Variants in ZCCHC17 observed in about 807,000 individuals in gnomAD.
The protein encoded by ZCCHC17 is zinc finger CCHC-type containing 17, also known as zinc finger CCHC domain-containing protein 17.
A neutral mutation model predicts 30.6 loss-of-function variants in ZCCHC17; 18 were observed. That is an observed-to-expected ratio of 0.59 (90% CI 0.41 to 0.87). The LOEUF is 0.87. Among genes scored for constraint, ZCCHC17 ranks in the 40% least tolerant of loss-of-function variants. The pLI, the probability that ZCCHC17 is intolerant of heterozygous loss-of-function variation, is 0.00. For synonymous variants in ZCCHC17, 88 were observed against 92.4 expected, an observed-to-expected ratio of 0.95 and a Z score of 0.27; for missense variants, 263 against 284.2, an observed-to-expected ratio of 0.93 and a Z score of 0.54.
intron 1 of ZCCHC17, among the ~76,000 whole-genome samples, chr1:31,305,306 G>A (rs764122361): frequency 4.6e-5 from 7 of 151,692 alleles, no homozygotes; most frequent in Non-Finnish European, 7.4e-5. Context: ...TTGAGACAGG[G>A]TTTCATTTTG....
intron 3 of ZCCHC17, among the ~76,000 whole-genome samples, chr1:31,330,247 A>G (rs1039362477): frequency 6.6e-6 from 1 of 152,098 alleles, no homozygotes; most frequent in Non-Finnish European, 1.5e-5. Flanking sequence ...TAATGGGCTC[A>G]CTCTGTTACT....
intron 5 of ZCCHC17, among the ~76,000 whole-genome samples, chr1:31,339,843 A>G (rs775278405): frequency 1.3e-5 from 2 of 152,106 alleles, no homozygotes; most frequent in African/African-American, 2.4e-5. Flanking sequence ...TCTGAAAACA[A>G]CATCTTACTT....
chr1:31,310,604 A>G (rs12730052), intron 2 of ZCCHC17, among the ~76,000 whole-genome samples: 20,328 of 152,168 alleles, frequency 0.13, 1,509 homozygotes, highest in Non-Finnish European at 0.15. Context: ...TTACCCTCTT[A>G]CCTTCCACCA....
chr1:31,362,649 CTTA>C (rs1411999758), intron 7 of ZCCHC17, among the ~76,000 whole-genome samples: 1 of 152,158 alleles, frequency 6.6e-6, no homozygotes, highest in Non-Finnish European at 1.5e-5. Context: ...CAAGTACAGG[CTTA>C]TTATTTGATG....
chr1:31,325,279 C>T (rs1638291962), intron 3 of ZCCHC17, among the ~76,000 whole-genome samples: 1 of 152,264 alleles, frequency 6.6e-6, no homozygotes, highest in South Asian at 2.1e-4. Context: ...CTTGCTTACC[C>T]TCCAGTTGTC....
intron 2 of ZCCHC17, among the ~76,000 whole-genome samples, chr1:31,311,826 G>A (rs557530069): frequency 7.9e-5 from 12 of 152,340 alleles, no homozygotes; most frequent in African/African-American, 2.2e-4. Flanking sequence ...AGTCCCCCCC[G>A]TGGGGGTATT....
chr1:31,325,687 G>A (rs1005697600), intron 3 of ZCCHC17, among the ~76,000 whole-genome samples: 3 of 152,218 alleles, frequency 2.0e-5, no homozygotes, highest in East Asian at 1.9e-4. Context: ...TGAGCCAAGC[G>A]CAGCCCATTA....
chr1:31,342,975 G>A (rs1183833187), intron 5 of ZCCHC17, among the ~76,000 whole-genome samples: 3 of 152,164 alleles, frequency 2.0e-5, no homozygotes, highest in Non-Finnish European at 4.4e-5. Context: ...CCTTGTTTAA[G>A]GAAAGAAGAG....
intron 1 of ZCCHC17, among the ~76,000 whole-genome samples, chr1:31,302,763 G>C (rs994320590): frequency 4.6e-5 from 7 of 152,150 alleles, no homozygotes; most frequent in Non-Finnish European, 8.8e-5. Context: ...AGAGGAGAGA[G>C]AGAGAGAGCA....
At chr1:31,363,527 C>T (rs184519561) in intron 7 of ZCCHC17, among the ~76,000 whole-genome samples, 1 of 152,164 alleles carries the variant, frequency 6.6e-6, no homozygotes, top group African/African-American at 2.4e-5. Flanking sequence ...CATGGTGTCT[C>T]ACACCTGTAA....
intron 4 of ZCCHC17, 114 bp from the exon 5 acceptor site, chr1:31,338,843 C>A (rs1638921351): frequency 9.2e-6 from 6 of 654,748 alleles, no homozygotes; most frequent in Non-Finnish European, 1.6e-5. Flanking sequence ...TAGCACAGTA[C>A]CTGGTCCATT....
chr1:31,308,176 T>C (rs1463895354), intron 1 of ZCCHC17, among the ~76,000 whole-genome samples: 1 of 152,200 alleles, frequency 6.6e-6, no homozygotes, highest in Non-Finnish European at 1.5e-5. Context: ...TATGAGCTAT[T>C]TCTCAAGAAC....
intron 7 of ZCCHC17, among the ~76,000 whole-genome samples, chr1:31,356,177 G>T (rs1639638591): frequency 6.6e-6 from 1 of 152,214 alleles, no homozygotes; most frequent in African/African-American, 2.4e-5. Context: ...CACTCAAGCG[G>T]CTAATCATAT....
intron 2 of ZCCHC17, 80 bp from the exon 3 acceptor site, chr1:31,319,029 A>T: frequency 6.6e-7 from 1 of 1,508,166 alleles, no homozygotes; most frequent in Admixed American, 1.8e-5. Context: ...TGAAGTACAG[A>T]TTTGGGGAGA....
At chr1:31,345,577 T>TATTATA (rs1569891956) in intron 5 of ZCCHC17, among the ~76,000 whole-genome samples, 2 of 140,970 alleles carry the variant, frequency 1.4e-5, no homozygotes, top group Non-Finnish European at 3.0e-5. Flanking sequence ...AATATATATA[T>TATTATA]ATATATTAGT....
chr1:31,302,383 T>TA (rs11434638), intron 1 of ZCCHC17, among the ~76,000 whole-genome samples: 21,166 of 151,938 alleles, frequency 0.14, 1,615 homozygotes, highest in African/African-American at 0.16. Flanking sequence ...TTCACTCATT[T>TA]AAAAAAAACT....
At chr1:31,361,931 C>T (rs1325899754) in intron 7 of ZCCHC17, among the ~76,000 whole-genome samples, 1 of 152,154 alleles carries the variant, frequency 6.6e-6, no homozygotes, top group African/African-American at 2.4e-5. Flanking sequence ...CCCACCTCAG[C>T]TTCCTGAGTA....
At chr1:31,350,023 C>T (rs1035690032) in intron 7 of ZCCHC17, among the ~76,000 whole-genome samples, 2 of 152,220 alleles carry the variant, frequency 1.3e-5, no homozygotes, top group Non-Finnish European at 2.9e-5. Context: ...GAGCACCTGT[C>T]TCACTGAATT....
At chr1:31,327,841 G>T (rs367570842) in intron 3 of ZCCHC17, among the ~76,000 whole-genome samples, 12 of 152,198 alleles carry the variant, frequency 7.9e-5, no homozygotes, top group Non-Finnish European at 1.8e-4. Flanking sequence ...CTAGAGGGGG[G>T]ACTGAGGAAG....
Sources: allele counts gnomAD v4.1 joint callset (sites outside exome capture counted in the v4.1 genomes callset), GRCh38; gene constraint gnomAD v4.1.1; transcripts MANE v1.5; gene names NCBI Gene and HGNC (gene_info 2026-07-23, HGNC 2026-07-21).